KCNQ3: variants seen among roughly 807,000 people sequenced by gnomAD.
KCNQ3 encodes the protein potassium voltage-gated channel subfamily KQT member 3.
KCNQ3 carries 30 observed loss-of-function variants against 92.5 expected under a neutral mutation model. The observed-to-expected ratio is 0.32, with a 90% CI of 0.24 to 0.44. The LOEUF (loss-of-function observed/expected upper bound fraction) is 0.44, where lower values mean the gene tolerates loss of function less well. Among genes scored for constraint, KCNQ3 ranks in the 20% least tolerant of loss-of-function variants. The pLI, the probability that KCNQ3 is intolerant of heterozygous loss-of-function variation, is 1.00. For missense variants in KCNQ3, 913 were observed against 1,140.3 expected, an observed-to-expected ratio of 0.80 and a Z score of 2.87; for synonymous variants, 450 against 468.8, an observed-to-expected ratio of 0.96 and a Z score of 0.52.
At chr8:132,257,180 A>C (rs10808599) in intron 1 of KCNQ3, among the ~76,000 whole-genome samples, 66,789 of 151,918 alleles carry the variant, frequency 0.44, 17,070 homozygotes, top group East Asian at 0.72. Flanking sequence ...TATTAATCTG[A>C]ACTAGACTAT....
At chr8:132,264,639 C>T (rs569946994) in intron 1 of KCNQ3, among the ~76,000 whole-genome samples, 1 of 152,280 alleles carries the variant, frequency 6.6e-6, no homozygotes, top group Non-Finnish European at 1.5e-5. Context: ...AATTCAGATG[C>T]CATGCAGGTC....
rs759449623 is a variant in KCNQ3, at chr8:132,123,640, G to T, written c.*5622C>A. On this transcript the variant is annotated 3_prime_UTR_variant, in exon 15 of 15. Coordinates refer to ENST00000388996, the MANE Select transcript of KCNQ3 (RefSeq NM_004519.4). ...CAAAGATCAGAAGACCTGAGTTCCA[G>T]ATTTATTCTGTGACTCAATCACTGC... is the stretch of plus-strand genomic sequence containing the variant. The T allele has an allele frequency of 1.3e-5, 2 of 152,186 alleles. No individual in the cohort carries two copies. Among genetic ancestry groups the T allele is most frequent in the Non-Finnish European group, 2.9e-5 (2 of 68,024 alleles). 9.4% of individuals were successfully genotyped at this position (152,186 alleles called of 1,614,324 possible). A position where few individuals can be genotyped will look rare whatever the true frequency, so the allele number is the denominator to read the frequency against.
At chr8:132,237,339 T>C (rs1814849556) in intron 1 of KCNQ3, among the ~76,000 whole-genome samples, 1 of 152,210 alleles carries the variant, frequency 6.6e-6, no homozygotes, top group African/African-American at 2.4e-5. Flanking sequence ...TTCCAGGCAT[T>C]GTTTTCAGTG....
chr8:132,424,248 T>C (rs148692256), intron 1 of KCNQ3, among the ~76,000 whole-genome samples: 2 of 151,834 alleles, frequency 1.3e-5, no homozygotes, highest in Non-Finnish European at 2.9e-5. Flanking sequence ...TTCCACAGAA[T>C]AGACGTGCCC....
At chr8:132,344,904 G>A (rs1399949956) in intron 1 of KCNQ3, among the ~76,000 whole-genome samples, 2 of 152,078 alleles carry the variant, frequency 1.3e-5, no homozygotes, top group African/African-American at 4.8e-5. Flanking sequence ...GGAGAGAGAA[G>A]GTGTCAAAAG....
At chr8:132,286,256 C>T (rs1371469756) in intron 1 of KCNQ3, among the ~76,000 whole-genome samples, 1 of 152,196 alleles carries the variant, frequency 6.6e-6, no homozygotes, top group Non-Finnish European at 1.5e-5. Flanking sequence ...CCAGAGACAG[C>T]AGCCACGTGG....
chr8:132,277,781 C>T (rs775864770), intron 1 of KCNQ3, among the ~76,000 whole-genome samples: 74 of 152,132 alleles, frequency 4.9e-4, no homozygotes, highest in Non-Finnish European at 3.7e-4. Context: ...CCTCACCAGG[C>T]TGAGTTCAAT....
intron 1 of KCNQ3, among the ~76,000 whole-genome samples, chr8:132,362,332 T>C (rs1819195403): frequency 6.6e-6 from 1 of 152,206 alleles, no homozygotes; most frequent in Non-Finnish European, 1.5e-5. Context: ...CATTTTTACC[T>C]GTGGAAATTC....
intron 1 of KCNQ3, among the ~76,000 whole-genome samples, chr8:132,200,294 T>C (rs1304369999): frequency 6.6e-6 from 1 of 151,928 alleles, no homozygotes; most frequent in Non-Finnish European, 1.5e-5. Flanking sequence ...TAAATAATTT[T>C]TTATTATGCC....
chr8:132,396,025 C>T (rs958171704), intron 1 of KCNQ3, among the ~76,000 whole-genome samples: 7 of 152,206 alleles, frequency 4.6e-5, no homozygotes, highest in Non-Finnish European at 1.0e-4. Context: ...ACTCTAATTT[C>T]GGTTTCCTCA....
chr8:132,382,400 C>A (rs75231175), intron 1 of KCNQ3, among the ~76,000 whole-genome samples: 486 of 152,244 alleles, frequency 3.2e-3, no homozygotes, highest in Non-Finnish European at 4.7e-3. Context: ...TCTCACCATG[C>A]GACATGCCTG....
At chr8:132,282,510 T>C (rs562040947) in intron 1 of KCNQ3, among the ~76,000 whole-genome samples, 1 of 152,200 alleles carries the variant, frequency 6.6e-6, no homozygotes, top group South Asian at 2.1e-4. Context: ...CTTTGTCTCT[T>C]CTTTCTTCCC....
chr8:132,154,192 A>ATTT (rs1563775830), intron 9 of KCNQ3, among the ~76,000 whole-genome samples: 9 of 104,476 alleles, frequency 8.6e-5, no homozygotes, highest in African/African-American at 3.3e-5. Flanking sequence ...AAAGGGTAAA[A>ATTT]GTTTTTTTTT....
intron 1 of KCNQ3, among the ~76,000 whole-genome samples, chr8:132,386,137 C>T (rs1024183992): frequency 3.0e-4 from 45 of 152,056 alleles, no homozygotes; most frequent in African/African-American, 1.0e-3. Context: ...AGCATACTCT[C>T]CTGATTGGAA....
At chr8:132,313,570 T>C (rs1381849177) in intron 1 of KCNQ3, among the ~76,000 whole-genome samples, 3 of 152,182 alleles carry the variant, frequency 2.0e-5, no homozygotes, top group African/African-American at 7.2e-5. Flanking sequence ...ATCAAAGTCA[T>C]TATCTATTCT....
chr8:132,433,641 G>C (rs1485901474), intron 1 of KCNQ3, among the ~76,000 whole-genome samples: 1 of 152,072 alleles, frequency 6.6e-6, no homozygotes, highest in Admixed American at 6.6e-5. Context: ...TGTAATCCCA[G>C]CATTTTGGGA....
chr8:132,316,859 T>G (rs190890187), intron 1 of KCNQ3, among the ~76,000 whole-genome samples: 3 of 152,326 alleles, frequency 2.0e-5, no homozygotes, highest in Admixed American at 2.0e-4. Flanking sequence ...TCACTTTTGG[T>G]TTTCAGCATG....
intron 13 of KCNQ3, among the ~76,000 whole-genome samples, chr8:132,132,999 G>A (rs959918042): frequency 2.0e-5 from 3 of 152,130 alleles, no homozygotes; most frequent in Admixed American, 6.6e-5. Context: ...CTTTGGCTGC[G>A]AAGCCCTAAA....
chr8:132,260,756 C>G (rs1386253453), intron 1 of KCNQ3, among the ~76,000 whole-genome samples: 1 of 151,968 alleles, frequency 6.6e-6, no homozygotes, highest in Admixed American at 6.6e-5. Flanking sequence ...CCATCCAACA[C>G]TCCATCCATC....
Sources: gnomAD v4.1 joint callset for allele counts (sites outside exome capture counted in the v4.1 genomes callset) on GRCh38, gnomAD v4.1.1 for gene constraint, MANE v1.5 for transcripts, NCBI Gene and HGNC (gene_info 2026-07-23, HGNC 2026-07-21) for gene names.